FBLN5: variants seen among roughly 807,000 people sequenced by gnomAD.
The protein encoded by FBLN5 is fibulin-5.
In FBLN5, 24 loss-of-function variants were observed where a neutral mutation model predicts 61.6. The observed-to-expected ratio is 0.39, with a 90% CI of 0.28 to 0.55. The LOEUF (loss-of-function observed/expected upper bound fraction) is 0.55. FBLN5 is among the 20% of genes least tolerant of loss of function. The pLI is 0.65. For synonymous variants in FBLN5, 213 were observed against 219.8 expected (o/e 0.97, Z 0.27); for missense variants, 470 against 594.1 (o/e 0.79, Z 2.17).
rs542678477 is a variant in FBLN5 at position 91,875,317 on chromosome 14, G to A, written c.1185+2170C>T. On this transcript the variant is annotated intron_variant, in intron 10 of 10. Transcript: ENST00000342058. Reference sequence around the variant, plus strand: ...TGCCCCACACCATAGAGAGGAACGGGGAATGCAAGGAGCTGATGTTGACAT... The same window carrying A: ...TGCCCCACACCATAGAGAGGAACGGAGAATGCAAGGAGCTGATGTTGACAT... 7.2e-5 allele frequency among the ~76,000 whole-genome samples: 11 copies of A among 152,240 alleles called. No individual in the cohort carries two copies. In the South Asian group the frequency reaches 2.3e-3, roughly 32 times the overall value.
intron 2 of FBLN5, chr14:91,941,986 C>G: frequency 2.8e-6 from 1 of 357,062 alleles, no homozygotes; most frequent in Non-Finnish European, 5.5e-6. Flanking sequence ...TTGCCAGTGG[C>G]CTGAATATGC....
chr14:91,911,258 T>C (rs1422849697), intron 4 of FBLN5, among the ~76,000 whole-genome samples: 1 of 152,126 alleles, frequency 6.6e-6, no homozygotes, highest in African/African-American at 2.4e-5. Flanking sequence ...GTGCTGGGAT[T>C]ACAGGCGTGA....
chr14:91,885,099 A>G (rs1235608626), intron 7 of FBLN5, among the ~76,000 whole-genome samples: 1 of 152,188 alleles, frequency 6.6e-6, no homozygotes, highest in Non-Finnish European at 1.5e-5. Context: ...GCCTGCGGAA[A>G]TGGAGAAGTG....
At chr14:91,929,000 G>C (rs900605634) in intron 4 of FBLN5, among the ~76,000 whole-genome samples, 35 of 152,000 alleles carry the variant, frequency 2.3e-4, no homozygotes, top group Admixed American at 2.0e-3. Context: ...AGAGTTTGCA[G>C]TGAGCCAAGA....
chr14:91,912,718 G>C (rs993129215), intron 4 of FBLN5, among the ~76,000 whole-genome samples: 3 of 151,682 alleles, frequency 2.0e-5, no homozygotes, highest in Non-Finnish European at 4.4e-5. Flanking sequence ...GCTAAGGTTG[G>C]AGGATCGCTT....
intron 4 of FBLN5, among the ~76,000 whole-genome samples, chr14:91,936,314 G>A (rs2056014492): frequency 6.6e-6 from 1 of 152,214 alleles, no homozygotes; most frequent in African/African-American, 2.4e-5. Flanking sequence ...ACTATTCACA[G>A]GCGCGATCAC....
intron 4 of FBLN5, among the ~76,000 whole-genome samples, chr14:91,897,248 C>A (rs2139987291): frequency 6.6e-6 from 1 of 152,296 alleles, no homozygotes; most frequent in Non-Finnish European, 1.5e-5. Flanking sequence ...CTCCCCTTTG[C>A]CTCCCTTCCA....
At chr14:91,933,556 C>T (rs2055963137) in intron 4 of FBLN5, among the ~76,000 whole-genome samples, 1 of 152,156 alleles carries the variant, frequency 6.6e-6, no homozygotes, top group Non-Finnish European at 1.5e-5. Flanking sequence ...GCATGAGCCA[C>T]CGTGCCTGGC....
chr14:91,919,386 AAAGAAAGGAAGG>A (rs1213703616), intron 4 of FBLN5, among the ~76,000 whole-genome samples: 97 of 94,810 alleles, frequency 1.0e-3, no homozygotes, highest in African/African-American at 1.1e-3. Context: ...GAAAAGAAAG[AAAGAAAGGAAGG>A]AAGGAAGGAA....
chr14:91,901,959 GGAGGA>G (rs1890469364), intron 4 of FBLN5, among the ~76,000 whole-genome samples: 1 of 152,240 alleles, frequency 6.6e-6, no homozygotes, highest in African/African-American at 2.4e-5. Flanking sequence ...AGCGAGAGCT[GGAGGA>G]GAGTTCTGAA....
rs543937508 is a variant in FBLN5 at position 91,925,988 on chromosome 14, C to T, written c.379+10959G>A. Among the ~76,000 whole-genome samples, 4 of 152,222 alleles carry T rather than the reference C, an allele frequency of 2.6e-5. No individual in the cohort carries two copies. The South Asian group carries it at 8.3e-4, about 32-fold the overall frequency. ...GGAGACTGAGTGAGGAAGGCAGTGGCGCTCCCCTCTGGCTAGCCTGGGTTC... is the reference window on the plus strand; with the variant it reads ...GGAGACTGAGTGAGGAAGGCAGTGGTGCTCCCCTCTGGCTAGCCTGGGTTC... On this transcript the variant is annotated intron_variant, in intron 4 of 10. Coordinates refer to ENST00000342058, the MANE Select transcript of FBLN5 (RefSeq NM_006329.4).
rs1851619941 is a variant in FBLN5, at chr14:91,943,212, A to C, written c.18-251T>G. 6.7e-6 allele frequency among the ~76,000 whole-genome samples: 1 copy of C among 148,434 alleles called. No homozygotes were observed. Among genetic ancestry groups the C allele is most frequent in the Admixed American group, 6.8e-5 (1 of 14,794 alleles). On this transcript the variant is annotated intron_variant, in intron 1 of 10. Transcript: ENST00000342058. The surrounding 1 kb of genome is among the most constrained non-coding windows in gnomAD (Gnocchi z 4.0). ...TTTTAATAAAGGGTTTGGCTGCTTC[A>C]AAAAAAAAAGCTAAGGTCAGGTGCG...
Position 91,881,410 on chromosome 14 carries a change from C to A in FBLN5, c.871G>T (p.Glu291Ter). The A allele has an allele frequency of 6.2e-7, 1 of 1,614,116 alleles. No homozygotes were observed. Among genetic ancestry groups the A allele is most frequent in the Non-Finnish European group, 8.5e-7 (1 of 1,180,018 alleles). ...CACGTGTGGTTCCTGTGCTCACATT[C>A]GTTGATGTCTGAAATGCAGGGGAGA... ...DDNRSCQDIN[E>*]CEHRNHTCNL... is the part of the protein sequence containing the mutation. Residue 291 changes from glutamate (E) to a stop codon, truncating the protein, a stop_gained, in exon 9 of 11, where the codon GAA becomes TAA. Transcript: ENST00000342058. LOFTEE classifies it high-confidence loss of function.
chr14:91,933,726 T>C (rs1335067296), intron 4 of FBLN5, among the ~76,000 whole-genome samples: 2 of 151,606 alleles, frequency 1.3e-5, no homozygotes, highest in African/African-American at 2.4e-5. Context: ...ACTACAGAAG[T>C]TGGGTGATAA....
Position 91,887,210 on chromosome 14 carries a change from T to C in FBLN5, c.722A>G (p.Asp241Gly), listed in dbSNP as rs565896886. The change falls in exon 7 of 11, where the codon GAT (aspartate) becomes GGT (glycine). Residue 241 changes from aspartate (D) to glycine (G), a missense_variant. Asp to Gly is a moderately conservative substitution (Grantham distance 94, BLOSUM62 -1). Transcript: ENST00000342058. ...CCCATTACCACTGCAATGAACGCCATCTTCCTCAAGTTCATATCCTGGGTC... is the reference window on the plus strand; with the variant it reads ...CCCATTACCACTGCAATGAACGCCACCTTCCTCAAGTTCATATCCTGGGTC... ...RCDPGYELEE[D>G]GVHCSDMDEC... The C allele has an allele frequency of 1.2e-6, 2 of 1,613,700 alleles. No homozygotes were observed. Among genetic ancestry groups the C allele is most frequent in the South Asian group, 1.1e-5 (1 of 91,064 alleles).
intron 4 of FBLN5, among the ~76,000 whole-genome samples, chr14:91,907,396 T>G (rs1275504808): frequency 6.6e-6 from 1 of 152,136 alleles, no homozygotes. Context: ...TTCTCTCCTA[T>G]CTAAACCAGC....
At chr14:91,909,373 TATTA>T (rs759297056) in intron 4 of FBLN5, among the ~76,000 whole-genome samples, 167 of 152,308 alleles carry the variant, frequency 1.1e-3, no homozygotes, top group African/African-American at 3.2e-3. Flanking sequence ...TAATACAGAA[TATTA>T]ATTTAAAACC....
rs1566828609 is a variant in FBLN5 at position 91,937,069 on chromosome 14, G to T, written c.257C>A (p.Thr86Asn). 1.9e-6 allele frequency: 3 copies of T among 1,613,856 alleles called. No individual in the cohort carries two copies. Among genetic ancestry groups the T allele is most frequent in the Non-Finnish European group, 2.5e-6 (3 of 1,179,964 alleles). Residue 86 changes from threonine to asparagine, a missense_variant, in exon 4 of 11, where the codon ACC (threonine) becomes AAC (asparagine). Thr to Asn is a moderately conservative substitution (Grantham distance 65). Transcript: ENST00000342058. ...YRGPYSNPYS[T>N]PYSGPYPAAA... The stretch of plus-strand genomic sequence containing the variant: ...TGCTGGGTACGGACCTGAGTAGGGG[G>T]TCGAGTAGGGGTTCGAGTAGGGCCC...
chr14:91,926,564 G>A (rs530767859), intron 4 of FBLN5, among the ~76,000 whole-genome samples: 1 of 152,252 alleles, frequency 6.6e-6, no homozygotes, highest in South Asian at 2.1e-4. Flanking sequence ...AGACAGAGGG[G>A]GTGAAGTGTC....
Sources: gnomAD v4.1 joint callset for allele counts (sites outside exome capture counted in the v4.1 genomes callset) on GRCh38, gnomAD v4.1.1 for gene constraint, Gnocchi (gnomAD v3.1) non-coding constraint, MANE v1.5 for transcripts, NCBI Gene and HGNC (gene_info 2026-07-23, HGNC 2026-07-21) for gene names.